SPAG9: variants seen among roughly 807,000 people sequenced by gnomAD.
The protein encoded by SPAG9 is C-Jun-amino-terminal kinase-interacting protein 4.
SPAG9 carries 35 observed loss-of-function variants against 166.5 expected under a neutral mutation model. The ratio of observed to expected loss-of-function variants is 0.21; its 90% confidence interval spans 0.16 to 0.28. The LOEUF is 0.28. Ranked by LOEUF, SPAG9 falls within the 10% of genes least tolerant of loss-of-function variation. The pLI is 1.00. For synonymous variants in SPAG9, 534 were observed against 565.5 expected (o/e 0.94, Z 0.79); for missense variants, 1,235 against 1,603.3 (o/e 0.77, Z 3.92).
chr17:50,995,844 T>G (rs1350872065), intron 16 of SPAG9: 1 of 257,564 alleles, frequency 3.9e-6, no homozygotes, highest in African/African-American at 2.3e-5. Context: ...TTTAAATTTT[T>G]TGTAGAGATG....
chr17:51,077,231 C>T (rs2048043362), intron 2 of SPAG9, among the ~76,000 whole-genome samples: 1 of 151,946 alleles, frequency 6.6e-6, no homozygotes, highest in Non-Finnish European at 1.5e-5. Context: ...TCAAGCGATT[C>T]TCCTGTCTCA....
At chr17:51,020,701 T>C (rs1349706595) in intron 7 of SPAG9, among the ~76,000 whole-genome samples, 3 of 152,180 alleles carry the variant, frequency 2.0e-5, no homozygotes, top group South Asian at 2.1e-4. Context: ...TTATTTACAA[T>C]TGAATACAAT....
chr17:51,084,635 C>T (rs2048257934), intron 1 of SPAG9, among the ~76,000 whole-genome samples: 1 of 152,142 alleles, frequency 6.6e-6, no homozygotes, highest in South Asian at 2.1e-4. Flanking sequence ...TCTCGAACTC[C>T]TGACCTCAAG....
chr17:50,979,332 A>C (rs1024139093), intron 26 of SPAG9, among the ~76,000 whole-genome samples: 2 of 148,826 alleles, frequency 1.3e-5, no homozygotes, highest in African/African-American at 5.0e-5. Flanking sequence ...TGATGGTGCC[A>C]CTGCACTCCA....
chr17:51,099,796 ATTGT>A (rs1005807368), intron 1 of SPAG9, among the ~76,000 whole-genome samples: 11 of 149,072 alleles, frequency 7.4e-5, no homozygotes, highest in Middle Eastern at 3.6e-3. Flanking sequence ...AAAACTAGAA[ATTGT>A]TATCTTAAAA....
chr17:51,060,505 T>TAAAAAAAAAAAAAAAAAAAAAAAA (rs35700642), intron 2 of SPAG9, among the ~76,000 whole-genome samples: 1 of 101,492 alleles, frequency 9.9e-6, no homozygotes. Flanking sequence ...TTTGTCTTTT[T>TAAAAAAAAAAAAAAAAAAAAAAAA]AAAAAAAAAA....
At chr17:50,979,418 G>T (rs552170117) in intron 26 of SPAG9, among the ~76,000 whole-genome samples, 17 of 147,368 alleles carry the variant, frequency 1.2e-4, no homozygotes, top group African/African-American at 3.7e-4. Context: ...AGATTGAAAC[G>T]TCTGACACTT....
chr17:50,996,723 C>T, intron 15 of SPAG9, 29 bp from the exon 16 acceptor site: 2 of 1,609,922 alleles, frequency 1.2e-6, no homozygotes, highest in Non-Finnish European at 1.7e-6. Flanking sequence ...TTCCTAATTA[C>T]ATGAATACGT....
chr17:51,041,270 T>C (rs1233515115), intron 5 of SPAG9, among the ~76,000 whole-genome samples: 1 of 152,218 alleles, frequency 6.6e-6, no homozygotes, highest in African/African-American at 2.4e-5. Flanking sequence ...GTCATTAGTA[T>C]ACTAATCAAG....
chr17:50,979,666 C>G, intron 26 of SPAG9, 80 bp downstream of exon 26: 1 of 1,379,118 alleles, frequency 7.3e-7, no homozygotes, highest in Non-Finnish European at 1.0e-6. Context: ...CAAAGCAAGA[C>G]CTCATTTCAA....
intron 9 of SPAG9, chr17:51,009,272 C>T (rs1957884661): frequency 1.7e-5 from 6 of 358,218 alleles, no homozygotes; most frequent in African/African-American, 6.5e-5. Flanking sequence ...GTAGAGAAAC[C>T]ATTAACTAAA....
At chr17:50,973,731 T>G (rs574586959) in intron 28 of SPAG9, among the ~76,000 whole-genome samples, 92 of 152,310 alleles carry the variant, frequency 6.0e-4, no homozygotes, top group African/African-American at 2.2e-3. Flanking sequence ...ACAGTGTGGG[T>G]GGGCCTCATT....
At chr17:51,088,655 G>A (rs888425808) in intron 1 of SPAG9, among the ~76,000 whole-genome samples, 4 of 152,104 alleles carry the variant, frequency 2.6e-5, no homozygotes, top group African/African-American at 9.7e-5. Flanking sequence ...AAAATTAGGC[G>A]GACTTGGTGG....
At chr17:50,989,484 C>T in intron 21 of SPAG9, 193 bp downstream of exon 21, 1 of 640,156 alleles carries the variant, frequency 1.6e-6, no homozygotes, top group Non-Finnish European at 2.8e-6. Flanking sequence ...GGAAGGTGTA[C>T]AGAAGAAATG....
intron 27 of SPAG9, chr17:50,975,728 C>T: frequency 1.8e-6 from 1 of 543,630 alleles, no homozygotes; most frequent in Non-Finnish European, 3.2e-6. Flanking sequence ...AAAAAAAAGA[C>T]ACCTGCTGCG....
chr17:51,027,589 A>G (rs910033010), intron 6 of SPAG9, among the ~76,000 whole-genome samples: 1 of 152,248 alleles, frequency 6.6e-6, no homozygotes, highest in East Asian at 1.9e-4. Flanking sequence ...TGGTGGTCCC[A>G]TAAGATTAAA....
intron 14 of SPAG9, among the ~76,000 whole-genome samples, chr17:50,999,012 G>A (rs531259751): frequency 1.3e-5 from 2 of 152,316 alleles, no homozygotes; most frequent in African/African-American, 4.8e-5. Context: ...TGGAAGCTTA[G>A]TATGCCAGTT....
intron 1 of SPAG9, among the ~76,000 whole-genome samples, chr17:51,089,663 T>TATATATATACACACAC (rs1403230293): frequency 8.9e-5 from 7 of 78,290 alleles, no homozygotes; most frequent in African/African-American, 3.1e-4. Flanking sequence ...TATATATATA[T>TATATATATACACACAC]ACACATACAC....
At chr17:51,118,437 A>G (rs977700025) in intron 1 of SPAG9, among the ~76,000 whole-genome samples, 13 of 152,172 alleles carry the variant, frequency 8.5e-5, no homozygotes, top group Admixed American at 7.9e-4. Flanking sequence ...TTTTCTTGGC[A>G]CGTGTGACCC....
Sources: allele counts gnomAD v4.1 joint callset (sites outside exome capture counted in the v4.1 genomes callset), GRCh38; gene constraint gnomAD v4.1.1; transcripts MANE v1.5; gene names NCBI Gene and HGNC (gene_info 2026-07-23, HGNC 2026-07-21).